Variants in BCHE observed in about 807,000 individuals in gnomAD.
BCHE encodes the protein butyrylcholinesterase.
In BCHE, 48 loss-of-function variants were observed where a neutral mutation model predicts 51.3. The observed-to-expected ratio is 0.94, with a 90% CI of 0.74 to 1.19. The LOEUF (loss-of-function observed/expected upper bound fraction) is 1.19, where lower values mean the gene tolerates loss of function less well. Among genes scored for constraint, BCHE ranks in the 50% most tolerant of loss-of-function variants. The pLI, the probability that BCHE is intolerant of heterozygous loss-of-function variation, is 0.00. For synonymous variants in BCHE, 251 were observed against 238.0 expected, an observed-to-expected ratio of 1.05 and a Z score of -0.50; for missense variants, 847 against 708.2, an observed-to-expected ratio of 1.20 and a Z score of -2.23.
chr3:165,830,032 TA>T lies in BCHE; in HGVS notation c.1001del (p.Leu334TyrfsTer25). ...GDFLTDMPDI[L>X]LELGQFKKTQ... ...TTTTTTTAAATTGTCCAAGTTCAAG[TA>T]ATATGTCTGGCATGTCAGTGAGAAA... On this transcript the variant is annotated frameshift_variant, in exon 2 of 4. Coordinates refer to ENST00000264381, the MANE Select transcript of BCHE (RefSeq NM_000055.4). LOFTEE classifies it high-confidence loss of function. The T allele has an allele frequency of 6.2e-7, 1 of 1,613,802 alleles. No homozygotes were observed. Among genetic ancestry groups the T allele is most frequent in the Non-Finnish European group, 8.5e-7 (1 of 1,179,884 alleles).
intron 3 of BCHE, among the ~76,000 whole-genome samples, chr3:165,782,116 A>G (rs919888230): frequency 6.6e-6 from 1 of 152,062 alleles, no homozygotes; most frequent in Non-Finnish European, 1.5e-5. Flanking sequence ...AATATATCAC[A>G]TATATATATT....
At position 165,830,363 on chromosome 3, in the gene BCHE, C is replaced by T; in HGVS notation, c.671G>A (p.Gly224Glu). The T allele has an allele frequency of 6.2e-7, 1 of 1,613,962 alleles. No individual in the cohort carries two copies. Among genetic ancestry groups the T allele is most frequent in the African/African-American group, 1.3e-5 (1 of 75,040 alleles). ...GGNPKSVTLFGESAGAASVSL... is the reference protein window; with the variant it reads ...GGNPKSVTLFEESAGAASVSL... ...AACTGAAGCTGCTCCTGCACTTTCT[C>T]CAAAGAGAGTTACACTTTTAGGATT... Residue 224 changes from glycine to glutamate, a missense_variant, in exon 2 of 4, where the codon GGA becomes GAA. Gly to Glu is a moderately conservative substitution (Grantham distance 98, BLOSUM62 -2). Coordinates refer to ENST00000264381, the MANE Select transcript of BCHE (RefSeq NM_000055.4).
intron 2 of BCHE, among the ~76,000 whole-genome samples, chr3:165,793,013 G>T (rs1156382502): frequency 6.6e-6 from 1 of 152,104 alleles, no homozygotes; most frequent in African/African-American, 2.4e-5. Flanking sequence ...TTGCTGTGAA[G>T]AAGATTTTTT....
chr3:165,835,964 A>G (rs548283759), intron 1 of BCHE, among the ~76,000 whole-genome samples: 2 of 152,086 alleles, frequency 1.3e-5, no homozygotes, highest in South Asian at 4.1e-4. Context: ...AATGAAGATA[A>G]TATTCAATGT....
At chr3:165,826,102 A>G (rs1389732999) in intron 2 of BCHE, among the ~76,000 whole-genome samples, 1 of 152,162 alleles carries the variant, frequency 6.6e-6, no homozygotes, top group Non-Finnish European at 1.5e-5. Context: ...TCTTTAAAAA[A>G]AATAAGCATG....
At chr3:165,778,152 T>C (rs557551866) in intron 3 of BCHE, 1 of 153,090 alleles carries the variant, frequency 6.5e-6, no homozygotes, top group East Asian at 1.9e-4. Context: ...TTTCCAAATT[T>C]GCATTCAGAG....
intron 3 of BCHE, among the ~76,000 whole-genome samples, chr3:165,775,403 A>G (rs554557272): frequency 2.5e-4 from 38 of 151,964 alleles, no homozygotes; most frequent in African/African-American, 5.8e-4. Flanking sequence ...ATAAAGGGTC[A>G]AAAAAGATTA....
intron 2 of BCHE, among the ~76,000 whole-genome samples, chr3:165,800,547 A>T (rs1353883086): frequency 6.6e-6 from 1 of 152,154 alleles, no homozygotes; most frequent in African/African-American, 2.4e-5. Flanking sequence ...TCCCTATGAC[A>T]TAATTTTAAT....
chr3:165,780,460 A>C (rs1712650280), intron 3 of BCHE, among the ~76,000 whole-genome samples: 1 of 152,210 alleles, frequency 6.6e-6, no homozygotes, highest in Non-Finnish European at 1.5e-5. Flanking sequence ...AACTATCATC[A>C]GAGTGAACAG....
chr3:165,785,995 T>G, intron 3 of BCHE, 150 bp downstream of exon 3: 1 of 784,998 alleles, frequency 1.3e-6, no homozygotes, highest in Non-Finnish European at 2.1e-6. Context: ...TAGAAGAAAG[T>G]CTTAAAAATA....
intron 2 of BCHE, among the ~76,000 whole-genome samples, chr3:165,795,365 A>G (rs1242744087): frequency 6.6e-6 from 1 of 152,120 alleles, no homozygotes; most frequent in Admixed American, 6.6e-5. Flanking sequence ...TTGACTTACT[A>G]TAGTTTGTTA....
chr3:165,819,407 T>G (rs1054814554), intron 2 of BCHE, among the ~76,000 whole-genome samples: 1 of 152,030 alleles, frequency 6.6e-6, no homozygotes, highest in African/African-American at 2.4e-5. Flanking sequence ...TGGGATTATT[T>G]CAACATTTTT....
At chr3:165,796,414 T>A (rs1462579114) in intron 2 of BCHE, among the ~76,000 whole-genome samples, 3 of 152,196 alleles carry the variant, frequency 2.0e-5, no homozygotes, top group African/African-American at 7.2e-5. Context: ...ATCAGAAGTC[T>A]TCCTTTACTC....
intron 2 of BCHE, among the ~76,000 whole-genome samples, chr3:165,797,849 C>A (rs1336587881): frequency 6.6e-6 from 1 of 152,068 alleles, no homozygotes; most frequent in Non-Finnish European, 1.5e-5. Flanking sequence ...CTTAAAATAG[C>A]TTGATTTTAA....
intron 2 of BCHE, among the ~76,000 whole-genome samples, chr3:165,801,578 A>G (rs1297659119): frequency 6.6e-6 from 1 of 152,226 alleles, no homozygotes; most frequent in Admixed American, 6.5e-5. Flanking sequence ...AGATTTTGAA[A>G]TTAGAAATTT....
At chr3:165,781,563 G>A (rs1472641161) in intron 3 of BCHE, among the ~76,000 whole-genome samples, 1 of 151,930 alleles carries the variant, frequency 6.6e-6, no homozygotes, top group African/African-American at 2.4e-5. Flanking sequence ...GACACAGGGA[G>A]GGGAACAGTA....
At chr3:165,811,174 A>C (rs567023474) in intron 2 of BCHE, among the ~76,000 whole-genome samples, 1 of 152,256 alleles carries the variant, frequency 6.6e-6, no homozygotes, top group Non-Finnish European at 1.5e-5. Context: ...TCTTGCTCAG[A>C]AGTGAAAAAG....
intron 3 of BCHE, among the ~76,000 whole-genome samples, chr3:165,776,666 AT>A (rs1166769074): frequency 6.6e-6 from 1 of 151,670 alleles, no homozygotes; most frequent in Non-Finnish European, 1.5e-5. Flanking sequence ...TTTTATTATT[AT>A]TTTTTCTTCT....
chr3:165,827,089 G>C (rs1714748731), intron 2 of BCHE, among the ~76,000 whole-genome samples: 1 of 152,112 alleles, frequency 6.6e-6, no homozygotes, highest in Admixed American at 6.6e-5. Flanking sequence ...TAGATTTCCA[G>C]ACCTAACAGT....
Sources: allele counts gnomAD v4.1 joint callset (sites outside exome capture counted in the v4.1 genomes callset), GRCh38; gene constraint gnomAD v4.1.1; transcripts MANE v1.5; gene names NCBI Gene and HGNC (gene_info 2026-07-23, HGNC 2026-07-21).